The following FBXO25 variants were observed in gnomAD, a reference collection of about 807,000 sequenced individuals.
FBXO25 encodes the protein F-box protein 25.
A neutral mutation model predicts 51.9 loss-of-function variants in FBXO25; 45 were observed. The ratio of observed to expected loss-of-function variants is 0.87; its 90% CI spans 0.68 to 1.11. The LOEUF (loss-of-function observed/expected upper bound fraction) is 1.11, where lower values mean the gene tolerates loss of function less well. Among genes scored for constraint, FBXO25 ranks in the 50% most tolerant of loss-of-function variants. FBXO25 has a pLI of 0.00. For missense variants in FBXO25, 507 were observed against 428.5 expected (o/e 1.18, Z -1.62); for synonymous variants, 199 against 151.0 (o/e 1.32, Z -2.33).
chr8:432,324 G>C (rs1311728290), intron 3 of FBXO25, among the ~76,000 whole-genome samples: 1 of 152,084 alleles, frequency 6.6e-6, no homozygotes, highest in Non-Finnish European at 1.5e-5. Context: ...CACCCAGAAT[G>C]GCACACAATT....
intron 8 of FBXO25, among the ~76,000 whole-genome samples, chr8:462,314 T>G (rs1339168133): frequency 1.3e-5 from 2 of 152,268 alleles, no homozygotes; most frequent in Non-Finnish European, 2.9e-5. Flanking sequence ...CTTTGACCAT[T>G]TTTTAAACTG....
intron 2 of FBXO25, among the ~76,000 whole-genome samples, chr8:416,319 C>G (rs1471818319): frequency 2.0e-5 from 3 of 152,238 alleles, no homozygotes; most frequent in Admixed American, 6.5e-5. Flanking sequence ...AACCGGATCT[C>G]TTGTGTCACC....
In FBXO25 at chr8:473,578, C is replaced by A. The variant is rs1008491364; in HGVS notation, c.*4774C>A. 3.3e-5 allele frequency: 5 copies of A among 152,280 alleles called. No homozygotes were observed. The highest frequency in any genetic ancestry group is 1.2e-4 in the African/African-American group (5 of 41,454). The allele number at this position is 152,280 out of a possible 1,614,324, so 9.4% of individuals were successfully genotyped here. A position where few individuals can be genotyped will look rare whatever the true frequency, so the allele number is the denominator to read the frequency against. On this transcript the variant is annotated 3_prime_UTR_variant, in exon 10 of 10. Transcript: ENST00000350302. ...TTGGTCCTCTTCCTTCCAATCCTCA[C>A]TGGCTCAAATCCACAGAGTGACAAA...
rs891835442 is a variant in FBXO25, at chr8:474,889, C to T, written c.*6085C>T. 9 of 454,648 alleles carry T rather than the reference C, an allele frequency of 2.0e-5. No homozygotes were observed. The highest frequency in any genetic ancestry group is 4.0e-5 in the Non-Finnish European group (9 of 226,766). 28.2% of individuals were successfully genotyped at this position (454,648 alleles called of 1,614,324 possible). A position where few individuals can be genotyped will look rare whatever the true frequency, so the allele number is the denominator to read the frequency against. On this transcript the variant is annotated 3_prime_UTR_variant, in exon 10 of 10. Transcript: ENST00000350302. ...TGGTGTCATATCTAAGAAATCACTG[C>T]CTCACCCTTTTCAGATATATCATTT...
At chr8:410,957 A>G (rs553810095) in intron 1 of FBXO25, among the ~76,000 whole-genome samples, 2 of 152,064 alleles carry the variant, frequency 1.3e-5, no homozygotes, top group Admixed American at 1.3e-4. Context: ...AAGTCTATGT[A>G]ATTTCCTTCC....
At chr8:465,395 C>A (rs765405261) in intron 9 of FBXO25, among the ~76,000 whole-genome samples, 1 of 152,154 alleles carries the variant, frequency 6.6e-6, no homozygotes, top group Admixed American at 6.5e-5. Flanking sequence ...AGAACTATTA[C>A]AAGCAATGAT....
chr8:412,239 C>T lies in FBXO25; in HGVS notation c.-7-834C>T, dbSNP rs565736276. Reference sequence around the variant, plus strand: ...TCTCTCCTTTCCTAATAAAACCCTGCTGTTCCTTCTGTATGTCTTATCCCA... The same window carrying T: ...TCTCTCCTTTCCTAATAAAACCCTGTTGTTCCTTCTGTATGTCTTATCCCA... On this transcript the variant is annotated intron_variant, in intron 1 of 9. Coordinates refer to ENST00000350302, the MANE Select transcript of FBXO25 (RefSeq NM_183420.2). Among the ~76,000 whole-genome samples the T allele has an allele frequency of 2.0e-5, 3 of 152,260 alleles. No homozygotes were observed. The East Asian group carries it at 5.8e-4, about 29-fold the overall frequency.
intron 2 of FBXO25, among the ~76,000 whole-genome samples, chr8:423,754 A>G (rs1485339694): frequency 6.6e-6 from 1 of 152,182 alleles, no homozygotes; most frequent in East Asian, 1.9e-4. Context: ...CGATGAACAT[A>G]GGAGTGCCTG....
At chr8:463,640 C>G (rs1249495346) in intron 9 of FBXO25, among the ~76,000 whole-genome samples, 1 of 152,226 alleles carries the variant, frequency 6.6e-6, no homozygotes, top group Non-Finnish European at 1.5e-5. Flanking sequence ...TAGAGAAGTC[C>G]TAGATTTTAA....
chr8:420,593 A>T (rs1797088467), intron 2 of FBXO25: 1 of 152,216 alleles, frequency 6.6e-6, no homozygotes, highest in Non-Finnish European at 1.5e-5. Context: ...GGAGAATACC[A>T]CTCAAAAGTC....
At chr8:427,093 C>G (rs1204755121) in intron 2 of FBXO25, among the ~76,000 whole-genome samples, 1 of 151,902 alleles carries the variant, frequency 6.6e-6, no homozygotes, top group East Asian at 1.9e-4. Context: ...ATAATACGAC[C>G]TGATTGGAAA....
Position 431,325 on chromosome 8 carries a change from T to C in FBXO25, c.135-16T>C, listed in dbSNP as rs747480120. The stretch of plus-strand genomic sequence containing the variant: ...TCCCTGAAAAAATATTTTAATAGAA[T>C]GTGTCTTTATTTCAGTATCTTAAAT... On this transcript the variant is annotated splice_polypyrimidine_tract_variant and intron_variant, in intron 2 of 9. Coordinates refer to ENST00000350302, the MANE Select transcript of FBXO25 (RefSeq NM_183420.2). The C allele has an allele frequency of 7.8e-7, 1 of 1,282,850 alleles. No individual in the cohort carries two copies. Among genetic ancestry groups the C allele is most frequent in the African/African-American group, 1.5e-5 (1 of 65,890 alleles). The allele number at this position is 1,282,850 out of a possible 1,614,324, so 79.5% of individuals were successfully genotyped here.
chr8:470,189 A>T lies in FBXO25; in HGVS notation c.*1385A>T, dbSNP rs1800434421. On this transcript the variant is annotated 3_prime_UTR_variant, in exon 10 of 10. Transcript: ENST00000350302. Reference sequence around the variant, plus strand: ...GGAACAGGCTTTTTCATCACAACATATTGGGGTTCCTGAGTGTCTCGCCGT... The same window carrying T: ...GGAACAGGCTTTTTCATCACAACATTTTGGGGTTCCTGAGTGTCTCGCCGT... The T allele has an allele frequency of 2.0e-5, 3 of 152,086 alleles. No individual in the cohort carries two copies. The highest frequency in any genetic ancestry group is 7.2e-5 in the African/African-American group (3 of 41,396). 9.4% of individuals were successfully genotyped at this position (152,086 alleles called of 1,614,324 possible).
At position 474,586 on chromosome 8, in the gene FBXO25, TG is replaced by T. The variant is rs1229943718; in HGVS notation, c.*5784del. 2.6e-6 allele frequency: 1 copy of T among 383,456 alleles called. No individual in the cohort carries two copies. The highest frequency in any genetic ancestry group is 2.0e-5 in the South Asian group (1 of 49,352). 23.8% of individuals were successfully genotyped at this position (383,456 alleles called of 1,614,324 possible). Reference sequence around the variant, plus strand: ...AATTGCCATCCTAATGAGTGTGAAGTGGTATCCTGCTGAGATTTTGATTTGC... The same window carrying T: ...AATTGCCATCCTAATGAGTGTGAAGTGTATCCTGCTGAGATTTTGATTTGC... On this transcript the variant is annotated 3_prime_UTR_variant, in exon 10 of 10. Coordinates refer to ENST00000350302, the MANE Select transcript of FBXO25 (RefSeq NM_183420.2).
intron 2 of FBXO25, among the ~76,000 whole-genome samples, chr8:427,655 G>A (rs1223237119): frequency 4.1e-5 from 6 of 148,000 alleles, no homozygotes; most frequent in Admixed American, 6.7e-5. Context: ...GCCACTCAGG[G>A]AAGTTGAGTT....
chr8:427,778 A>C (rs1373223776), intron 2 of FBXO25, among the ~76,000 whole-genome samples: 6 of 150,592 alleles, frequency 4.0e-5, no homozygotes, highest in Admixed American at 1.3e-4. Context: ...GTTTTGTGAC[A>C]TATTTTACAG....
chr8:465,325 T>G (rs991796767), intron 9 of FBXO25, among the ~76,000 whole-genome samples: 16 of 152,222 alleles, frequency 1.1e-4, no homozygotes, highest in African/African-American at 3.6e-4. Flanking sequence ...TAATTTGAGT[T>G]AGTGCTTCTC....
At chr8:436,135 G>T (rs1269706336) in intron 5 of FBXO25, among the ~76,000 whole-genome samples, 4 of 152,304 alleles carry the variant, frequency 2.6e-5, no homozygotes, top group African/African-American at 9.6e-5. Context: ...ATAGAAAACA[G>T]GAATTTCATA....
rs1335145940 is a variant in FBXO25, at chr8:451,295, T to C, written c.502T>C (p.Leu168=). 1 of 1,610,162 alleles carries C rather than the reference T, an allele frequency of 6.2e-7. No homozygotes were observed. Among genetic ancestry groups the C allele is most frequent in the African/African-American group, 1.3e-5 (1 of 74,788 alleles). The change falls in exon 7 of 10, where the codon TTA becomes CTA. Residue 168 remains leucine, a synonymous_variant. Transcript: ENST00000350302. ...TCTTGATGACCACCACAATCCTCGC[T>C]TAATCAAAGATCTTCTGCAAGACCT... ...KVLDDHHNPR[L]IKDLLQDLSS...
Sources: allele counts gnomAD v4.1 joint callset (sites outside exome capture counted in the v4.1 genomes callset), GRCh38; gene constraint gnomAD v4.1.1; transcripts MANE v1.5; gene names NCBI Gene and HGNC (gene_info 2026-07-23, HGNC 2026-07-21).